Variants in UGT1A6 observed in about 807,000 individuals in gnomAD.
UGT1A6 encodes UDP-glucuronosyltransferase 1A6.
UGT1A6 carries 32 observed loss-of-function variants against 44.4 expected under a neutral mutation model. The ratio of observed to expected loss-of-function variants is 0.72; its 90% CI spans 0.54 to 0.97. UGT1A6 has a LOEUF of 0.97. Among genes scored for constraint, UGT1A6 ranks in the 50% least tolerant of loss-of-function variants. UGT1A6 has a pLI of 0.00. For synonymous variants in UGT1A6, 238 were observed against 248.5 expected, an observed-to-expected ratio of 0.96 and a Z score of 0.40; for missense variants, 685 against 661.9, an observed-to-expected ratio of 1.03 and a Z score of -0.38.
At chr2:233,713,803 C>A in intron 1 of UGT1A6, 12 of 1,614,054 alleles carry the variant, frequency 7.4e-6, no homozygotes, top group Non-Finnish European at 8.5e-6. Flanking sequence ...CCGATCATGC[C>A]CAACATGGTC....
chr2:233,763,100 C>T (rs888370802), intron 1 of UGT1A6, among the ~76,000 whole-genome samples: 9 of 152,128 alleles, frequency 5.9e-5, no homozygotes, highest in Non-Finnish European at 7.3e-5. Context: ...GGAGAGGCAC[C>T]GAACTTTATC....
intron 1 of UGT1A6, among the ~76,000 whole-genome samples, chr2:233,696,122 C>T (rs1486929400): frequency 2.6e-5 from 4 of 152,170 alleles, no homozygotes; most frequent in Non-Finnish European, 5.9e-5. Flanking sequence ...AGAACTAGAA[C>T]TGCCCCAATA....
rs1559346236 is a variant in UGT1A6 at position 233,693,353 on chromosome 2, ATTGT to A, written c.351_354del (p.Val118LeufsTer18). 1 of 1,614,132 alleles carries A rather than the reference ATTGT, an allele frequency of 6.2e-7. No homozygotes were observed. Among genetic ancestry groups the A allele is most frequent in the East Asian group, 2.2e-5 (1 of 44,884 alleles). Reference sequence around the variant, plus strand: ...TCAGACAGAGTACAGGAATAACATGATTGTTATTGGCCTGTACTTCATCAACTGC... The same window carrying A: ...TCAGACAGAGTACAGGAATAACATGATATTGGCCTGTACTTCATCAACTGC... On this transcript the variant is annotated frameshift_variant, in exon 1 of 5. Transcript: ENST00000305139. LOFTEE classifies it high-confidence loss of function.
At chr2:233,743,548 C>G in intron 1 of UGT1A6, 6 of 1,367,296 alleles carry the variant, frequency 4.4e-6, no homozygotes, top group Non-Finnish European at 5.9e-6. Flanking sequence ...CTGACCCCCC[C>G]AAAATATTCT....
chr2:233,725,867 A>C (rs2077480868), intron 1 of UGT1A6, among the ~76,000 whole-genome samples: 1 of 152,102 alleles, frequency 6.6e-6, no homozygotes, highest in Admixed American at 6.5e-5. Context: ...CATCTCTTTT[A>C]ATTTGAAAAT....
At chr2:233,743,984 C>A in intron 1 of UGT1A6, 1 of 1,291,724 alleles carries the variant, frequency 7.7e-7, no homozygotes, top group South Asian at 1.3e-5. Context: ...CACCCAGGCG[C>A]AGGCCCGAGT....
At chr2:233,713,376 G>T (rs1400775742) in intron 1 of UGT1A6, 4 of 1,614,068 alleles carry the variant, frequency 2.5e-6, no homozygotes, top group Non-Finnish European at 3.4e-6. Flanking sequence ...TAGGTCTTGT[G>T]TGGAGCTACT....
intron 1 of UGT1A6, among the ~76,000 whole-genome samples, chr2:233,697,370 G>C (rs1402233705): frequency 2.6e-5 from 4 of 152,046 alleles, no homozygotes; most frequent in Non-Finnish European, 2.9e-5. Context: ...GGCATATAGA[G>C]TTCACAATAA....
In UGT1A6 at chr2:233,743,994, T is replaced by C. The variant is rs60469444; in HGVS notation, c.862-23040T>C. 7.2e-6 allele frequency: 9 copies of C among 1,253,056 alleles called. No individual in the cohort carries two copies. The East Asian group carries it at 2.0e-4, about 28-fold the overall frequency. 77.6% of individuals were successfully genotyped at this position (1,253,056 alleles called of 1,614,324 possible). On this transcript the variant is annotated intron_variant, in intron 1 of 4. Coordinates refer to ENST00000305139, the MANE Select transcript of UGT1A6 (RefSeq NM_001072.4). The stretch of plus-strand genomic sequence containing the variant: ...GCCAGCACCCAGGCGCAGGCCCGAG[T>C]GCTCGGAGACCTGGGCCGCCTGGAG...
chr2:233,739,344 AG>A lies in UGT1A6; in HGVS notation c.862-27689del, dbSNP rs1575629032. On this transcript the variant is annotated intron_variant, in intron 1 of 4. Transcript: ENST00000305139. ...AGAAGGCCACAGTCCTTCAGAACCC[AG>A]AAGGGCAGATCCAATAGCTTGCACT... Among the ~76,000 whole-genome samples the A allele has an allele frequency of 3.9e-5, 6 of 152,328 alleles. No individual in the cohort carries two copies. In the East Asian group the frequency reaches 5.8e-4, roughly 15 times the overall value.
At chr2:233,750,863 G>A (rs1036231248) in intron 1 of UGT1A6, 1 of 151,894 alleles carries the variant, frequency 6.6e-6, no homozygotes, top group Non-Finnish European at 1.5e-5. Context: ...CCAGGCAGAA[G>A]TTTGCTGCAT....
intron 1 of UGT1A6, among the ~76,000 whole-genome samples, chr2:233,758,641 A>G (rs1696933975): frequency 6.6e-6 from 1 of 152,212 alleles, no homozygotes; most frequent in Non-Finnish European, 1.5e-5. Flanking sequence ...TCTAAGGAGA[A>G]GAATGAGAGG....
In UGT1A6 at chr2:233,769,743, C is replaced by T. The variant is rs1376344823; in HGVS notation, c.1301+1304C>T. Reference sequence around the variant, plus strand: ...CATGGCACACGCCTGTAGTCCCAGCCACTCTGGAGGCTAAGGCGGGAGGAT... The same window carrying T: ...CATGGCACACGCCTGTAGTCCCAGCTACTCTGGAGGCTAAGGCGGGAGGAT... On this transcript the variant is annotated intron_variant, in intron 4 of 4. Coordinates refer to ENST00000305139, the MANE Select transcript of UGT1A6 (RefSeq NM_001072.4). The surrounding 1 kb of genome is among the most constrained non-coding windows in gnomAD (Gnocchi z 4.4). The T allele has an allele frequency of 1.2e-5, 17 of 1,445,490 alleles. No homozygotes were observed. The East Asian group carries it at 4.3e-4, about 36-fold the overall frequency. 89.5% of individuals were successfully genotyped at this position (1,445,490 alleles called of 1,614,324 possible).
intron 4 of UGT1A6, chr2:233,770,928 C>T (rs1253258024): frequency 6.6e-6 from 1 of 152,180 alleles, no homozygotes; most frequent in African/African-American, 2.4e-5. Context: ...GCTGACATCA[C>T]TTGGCTGCCG....
chr2:233,706,195 T>A lies in UGT1A6; in HGVS notation c.861+12330T>A, dbSNP rs189206835. Among the ~76,000 whole-genome samples the A allele has an allele frequency of 5.9e-5, 9 of 152,294 alleles. No individual in the cohort carries two copies. The East Asian group carries it at 1.7e-3, about 29-fold the overall frequency. ...GTGGTGTGTCTGCCCAGGCTGCTCCTCCACAAAGCTGGCCCAGGCAGGGGC... is the reference window on the plus strand; with the variant it reads ...GTGGTGTGTCTGCCCAGGCTGCTCCACCACAAAGCTGGCCCAGGCAGGGGC... On this transcript the variant is annotated intron_variant, in intron 1 of 4. Transcript: ENST00000305139.
chr2:233,756,209 T>A (rs1696149779), intron 1 of UGT1A6: 1 of 152,246 alleles, frequency 6.6e-6, no homozygotes. Flanking sequence ...TCCCTGGTAT[T>A]CTGAAGGGAT....
At chr2:233,709,482 A>G (rs886637388) in intron 1 of UGT1A6, among the ~76,000 whole-genome samples, 4 of 152,202 alleles carry the variant, frequency 2.6e-5, no homozygotes, top group African/African-American at 9.7e-5. Flanking sequence ...ATAAGTATTT[A>G]GTATTTGAAG....
chr2:233,701,289 C>T (rs185939112), intron 1 of UGT1A6, among the ~76,000 whole-genome samples: 36 of 152,168 alleles, frequency 2.4e-4, no homozygotes, highest in East Asian at 7.7e-4. Context: ...CTTGAGGAAT[C>T]GCCACACTGT....
At chr2:233,766,573 T>A (rs1699187468) in intron 1 of UGT1A6, among the ~76,000 whole-genome samples, 1 of 152,150 alleles carries the variant, frequency 6.6e-6, no homozygotes, top group Non-Finnish European at 1.5e-5. Context: ...TGGGCACAGG[T>A]CTGGGGGTGG....
Sources: gnomAD v4.1 joint callset for allele counts (sites outside exome capture counted in the v4.1 genomes callset) on GRCh38, gnomAD v4.1.1 for gene constraint, Gnocchi (gnomAD v3.1) non-coding constraint, MANE v1.5 for transcripts, NCBI Gene and HGNC (gene_info 2026-07-23, HGNC 2026-07-21) for gene names.